The following PIEZO2 variants were observed in gnomAD, a reference collection of about 807,000 sequenced individuals.
PIEZO2 encodes the protein piezo type mechanosensitive ion channel component 2, also known as piezo-type mechanosensitive ion channel component 2.
In PIEZO2, 172 loss-of-function variants were observed where a neutral mutation model predicts 337.3. That is an observed-to-expected ratio of 0.51 (90% confidence interval 0.45 to 0.58). The LOEUF (loss-of-function observed/expected upper bound fraction) is 0.58, where lower values mean the gene tolerates loss of function less well. Among genes scored for constraint, PIEZO2 ranks in the 20% least tolerant of loss-of-function variants. The probability of loss-of-function intolerance (pLI) is 0.00; values close to 1 mark genes in which losing one functional copy is unlikely to be tolerated. For synonymous variants in PIEZO2, 1,251 were observed against 1,228.5 expected (o/e 1.02, Z -0.38); for missense variants, 3,028 against 3,391.3 (o/e 0.89, Z 2.66).
chr18:10,843,148 A>G (rs1434636908), intron 7 of PIEZO2, among the ~76,000 whole-genome samples: 1 of 152,222 alleles, frequency 6.6e-6, no homozygotes, highest in African/African-American at 2.4e-5. Context: ...AAACTGAAAA[A>G]TTAATGAGGT....
chr18:10,799,059 A>G (rs1272806390), intron 11 of PIEZO2, among the ~76,000 whole-genome samples: 4 of 152,186 alleles, frequency 2.6e-5, no homozygotes, highest in Non-Finnish European at 5.9e-5. Context: ...TGTACAGTTA[A>G]GTATTAAGAA....
chr18:11,030,082 C>A (rs912559298), intron 2 of PIEZO2, among the ~76,000 whole-genome samples: 6 of 152,128 alleles, frequency 3.9e-5, no homozygotes, highest in Non-Finnish European at 8.8e-5. Flanking sequence ...TAATGCTTCT[C>A]ATACTATGAT....
rs2036631573 is a variant in PIEZO2 at position 11,028,880 on chromosome 18, A to C, written c.160+37247T>G. On this transcript the variant is annotated intron_variant, in intron 2 of 55. Transcript: ENST00000674853. The surrounding 1 kb of genome is among the most constrained non-coding windows in gnomAD (Gnocchi z 4.8). ...AATATTCATCAATTGCCCTGTGCCA[A>C]AGAATACATTTGGTGTCATAGGAAA... Among the ~76,000 whole-genome samples the C allele has an allele frequency of 6.6e-6, 1 of 152,184 alleles. No homozygotes were observed. Among genetic ancestry groups the C allele is most frequent in the African/African-American group, 2.4e-5 (1 of 41,440 alleles).
At chr18:10,709,350 G>A (rs1011812901) in intron 39 of PIEZO2, 7 of 152,210 alleles carry the variant, frequency 4.6e-5, no homozygotes, top group Non-Finnish European at 2.9e-5. Flanking sequence ...CACACGCATA[G>A]TTTCAGTTCC....
At chr18:10,780,059 A>G (rs1446435821) in intron 18 of PIEZO2, among the ~76,000 whole-genome samples, 1 of 152,198 alleles carries the variant, frequency 6.6e-6, no homozygotes, top group African/African-American at 2.4e-5. Flanking sequence ...ATTCTACCAA[A>G]GAACAGAATG....
rs2041828487 is a variant in PIEZO2, at chr18:10,859,887, G to A, written c.493-2676C>T. On this transcript the variant is annotated intron_variant, in intron 5 of 55. Coordinates refer to ENST00000674853, the MANE Select transcript of PIEZO2 (RefSeq NM_001378183.1). This position sits in a 1 kb window ranked among gnomAD's most constrained non-coding sequence, Gnocchi z 4.9. Reference sequence around the variant, plus strand: ...GCTGGAGGAGAGGGGAGGGAGTGGTGGGGCTGAAGTGAAGATCCTGTCTTT... The same window carrying A: ...GCTGGAGGAGAGGGGAGGGAGTGGTAGGGCTGAAGTGAAGATCCTGTCTTT... 6.6e-6 allele frequency among the ~76,000 whole-genome samples: 1 copy of A among 152,138 alleles called. No homozygotes were observed. Among genetic ancestry groups the A allele is most frequent in the African/African-American group, 2.4e-5 (1 of 41,414 alleles).
chr18:10,985,651 A>G (rs2034841900), intron 2 of PIEZO2, among the ~76,000 whole-genome samples: 1 of 151,982 alleles, frequency 6.6e-6, no homozygotes, highest in Non-Finnish European at 1.5e-5. Context: ...CCTGAAAAAG[A>G]TTGTTTTAGC....
rs532226919 is a variant in PIEZO2, at chr18:11,108,613, CAAAAAAAAA to C, written c.64+39903_64+39911del. On this transcript the variant is annotated intron_variant, in intron 1 of 55. Transcript: ENST00000674853. ...TGGGCAACAGAGCCAGACTCCCTCT[CAAAAAAAAA>C]AAAAAAAAAAAAAAAAAGAGTAACA... Among the ~76,000 whole-genome samples the C allele has an allele frequency of 5.3e-5, 3 of 56,882 alleles. No individual in the cohort carries two copies. In the East Asian group the frequency reaches 1.6e-3, roughly 31 times the overall value. 37.3% of individuals were successfully genotyped at this position (56,882 alleles called of 152,430 possible).
intron 2 of PIEZO2, among the ~76,000 whole-genome samples, chr18:11,046,020 G>A (rs1245382531): frequency 6.6e-6 from 1 of 152,100 alleles, no homozygotes; most frequent in Non-Finnish European, 1.5e-5. Context: ...TTCCACAGAA[G>A]GTCAAAAATC....
intron 7 of PIEZO2, among the ~76,000 whole-genome samples, chr18:10,832,967 G>A (rs931077824): frequency 2.0e-5 from 3 of 152,136 alleles, no homozygotes; most frequent in Admixed American, 6.5e-5. Flanking sequence ...CCTGCCCTCC[G>A]GGGGTGCACT....
chr18:11,122,931 T>G (rs1417360836), intron 1 of PIEZO2, among the ~76,000 whole-genome samples: 1 of 150,952 alleles, frequency 6.6e-6, no homozygotes. Context: ...TATGTATATG[T>G]TATATATAAG....
At chr18:10,743,794 G>A (rs1234794742) in intron 31 of PIEZO2, among the ~76,000 whole-genome samples, 1 of 152,126 alleles carries the variant, frequency 6.6e-6, no homozygotes, top group African/African-American at 2.4e-5. Flanking sequence ...ACCCAGGAAG[G>A]CAGAATTGTG....
chr18:11,000,420 C>T (rs1354813), intron 2 of PIEZO2, among the ~76,000 whole-genome samples: 64,458 of 151,988 alleles, frequency 0.42, 14,402 homozygotes, highest in Non-Finnish European at 0.51. Flanking sequence ...TTTTAAAGGG[C>T]TGTAAAATCT....
At chr18:10,697,280 C>A (rs905630815) in intron 45 of PIEZO2, among the ~76,000 whole-genome samples, 6 of 152,180 alleles carry the variant, frequency 3.9e-5, no homozygotes, top group African/African-American at 1.4e-4. Flanking sequence ...AGTCCCAGTC[C>A]CATGCACCAC....
Position 11,104,260 on chromosome 18 carries a change from A to G in PIEZO2, c.65-38038T>C, listed in dbSNP as rs1283175734. Among the ~76,000 whole-genome samples the G allele has an allele frequency of 6.6e-6, 1 of 152,218 alleles. No homozygotes were observed. Among genetic ancestry groups the G allele is most frequent in the Non-Finnish European group, 1.5e-5 (1 of 68,032 alleles). ...GGCTTTTCACATACTCTGAGAATGT[A>G]AAAGGTGGCAGTGTGGGGAGAATAT... is the stretch of plus-strand genomic sequence containing the variant. On this transcript the variant is annotated intron_variant, in intron 1 of 55. Coordinates refer to ENST00000674853, the MANE Select transcript of PIEZO2 (RefSeq NM_001378183.1). The surrounding 1 kb of genome is among the most constrained non-coding windows in gnomAD (Gnocchi z 4.6).
rs774600525 is a variant in PIEZO2, at chr18:10,697,827, T to G, written c.6748A>C (p.Lys2250Gln). 1 of 1,614,084 alleles carries G rather than the reference T, an allele frequency of 6.2e-7. No individual in the cohort carries two copies. The highest frequency in any genetic ancestry group is 8.5e-7 in the Non-Finnish European group (1 of 1,180,030). The change falls in exon 45 of 56, where the codon AAG becomes CAG. Residue 2250 changes from lysine to glutamine, a missense_variant. This residue lies in a region of PIEZO2 where 1,925 missense variants were observed against 2,051.9 expected (regional missense o/e 0.94). Coordinates refer to ENST00000674853, the MANE Select transcript of PIEZO2 (RefSeq NM_001378183.1). ...TAAAGTTCCCTTTTGCCTTTTTGCT[T>G]AATACTCAAAACACTGCTTCCTTTT... ...SQKGSSVLSIKQKGKRELYME... is the reference protein window; with the variant it reads ...SQKGSSVLSIQQKGKRELYME...
chr18:10,722,168 T>G (rs2036341637), intron 36 of PIEZO2, among the ~76,000 whole-genome samples: 1 of 138,820 alleles, frequency 7.2e-6, no homozygotes, highest in African/African-American at 2.6e-5. Flanking sequence ...AAAAAAAAAT[T>G]AAGATGTAAG....
intron 3 of PIEZO2, among the ~76,000 whole-genome samples, chr18:10,948,650 T>C (rs1568229751): frequency 6.6e-6 from 1 of 152,140 alleles, no homozygotes; most frequent in Non-Finnish European, 1.5e-5. Flanking sequence ...TGTGTGCAAA[T>C]TTAAGCTTGC....
rs2036733020 is a variant in PIEZO2 at position 11,031,357 on chromosome 18, A to G, written c.160+34770T>C. On this transcript the variant is annotated intron_variant, in intron 2 of 55. Coordinates refer to ENST00000674853, the MANE Select transcript of PIEZO2 (RefSeq NM_001378183.1). The surrounding 1 kb of genome is among the most constrained non-coding windows in gnomAD (Gnocchi z 4.7). ...TTCATAACCTTACAGTTGTCTCCCC[A>G]GAAAACACATTTCCTACGTCATTAC... Among the ~76,000 whole-genome samples, 1 of 151,930 alleles carries G rather than the reference A, an allele frequency of 6.6e-6. No homozygotes were observed. Among genetic ancestry groups the G allele is most frequent in the Non-Finnish European group, 1.5e-5 (1 of 67,992 alleles).
Sources: gnomAD v4.1 joint callset for allele counts (sites outside exome capture counted in the v4.1 genomes callset) on GRCh38, gnomAD v4.1.1 for gene constraint, gnomAD v4.1.1 regional missense constraint, Gnocchi (gnomAD v3.1) non-coding constraint, MANE v1.5 for transcripts, NCBI Gene and HGNC (gene_info 2026-07-23, HGNC 2026-07-21) for gene names.